Variants in ZPLD1 observed in about 807,000 individuals in gnomAD.
The protein encoded by ZPLD1 is zona pellucida like domain containing 1.
In ZPLD1, 34 loss-of-function variants were observed where a neutral mutation model predicts 47.2. The observed-to-expected ratio is 0.72, with a 90% CI of 0.55 to 0.96. The LOEUF (loss-of-function observed/expected upper bound fraction) is 0.96, where lower values mean the gene tolerates loss of function less well. Ranked by LOEUF, ZPLD1 falls within the 40% of genes least tolerant of loss-of-function variation. The probability of loss-of-function intolerance (pLI) is 0.00; values close to 1 mark genes in which losing one functional copy is unlikely to be tolerated. For synonymous variants in ZPLD1, 176 were observed against 186.2 expected (o/e 0.95, Z 0.45); for missense variants, 512 against 505.8 (o/e 1.01, Z -0.12).
At chr3:102,387,511 A>G (rs1378229861) in intron 6 of ZPLD1, among the ~76,000 whole-genome samples, 1 of 152,064 alleles carries the variant, frequency 6.6e-6, no homozygotes, top group African/African-American at 2.4e-5. Flanking sequence ...ACACTCAATC[A>G]TGGGCCCTTT....
chr3:102,455,945 A>G (rs571587834), intron 4 of ZPLD1, among the ~76,000 whole-genome samples: 1 of 152,266 alleles, frequency 6.6e-6, no homozygotes, highest in South Asian at 2.1e-4. Context: ...AACCCTTCGA[A>G]CCTATAATCT....
At chr3:102,429,649 G>A (rs1706992742) in intron 8 of ZPLD1, among the ~76,000 whole-genome samples, 1 of 152,134 alleles carries the variant, frequency 6.6e-6, no homozygotes, top group Non-Finnish European at 1.5e-5. Context: ...GATTGATAAT[G>A]CCATTGTGGT....
intron 8 of ZPLD1, among the ~76,000 whole-genome samples, chr3:102,429,002 T>A (rs964912142): frequency 2.0e-5 from 3 of 152,172 alleles, no homozygotes; most frequent in Admixed American, 6.5e-5. Context: ...GTGATACTTA[T>A]CCACTTGAAA....
chr3:102,444,265 A>G (rs998548997), intron 3 of ZPLD1, among the ~76,000 whole-genome samples: 12 of 152,218 alleles, frequency 7.9e-5, no homozygotes, highest in African/African-American at 2.7e-4. Flanking sequence ...CAGACTGCTT[A>G]TGAACTTCCT....
At chr3:102,451,389 T>C (rs1048793993) in intron 3 of ZPLD1, among the ~76,000 whole-genome samples, 23 of 152,216 alleles carry the variant, frequency 1.5e-4, no homozygotes, top group Non-Finnish European at 2.9e-5. Flanking sequence ...ACAATCAAGG[T>C]CATTTCCCCA....
At chr3:102,424,145 T>C (rs1359227840) in intron 8 of ZPLD1, among the ~76,000 whole-genome samples, 1 of 152,182 alleles carries the variant, frequency 6.6e-6, no homozygotes, top group African/African-American at 2.4e-5. Flanking sequence ...GCTCAGTCTT[T>C]GTTCCTTATG....
intron 3 of ZPLD1, among the ~76,000 whole-genome samples, chr3:102,445,101 G>T (rs924563545): frequency 8.5e-5 from 13 of 152,144 alleles, no homozygotes; most frequent in Non-Finnish European, 1.9e-4. Context: ...TGGTGTAGCT[G>T]CCTTTTGATG....
At chr3:102,438,923 C>T (rs968295343) in intron 3 of ZPLD1, among the ~76,000 whole-genome samples, 54 of 136,190 alleles carry the variant, frequency 4.0e-4, no homozygotes, top group Non-Finnish European at 5.9e-4. Context: ...AAGAACTGCT[C>T]TTAAATGCTA....
intron 7 of ZPLD1, among the ~76,000 whole-genome samples, chr3:102,416,769 G>A (rs1475289875): frequency 6.6e-6 from 1 of 150,466 alleles, no homozygotes; most frequent in African/African-American, 2.5e-5. Context: ...AAAAATCAGT[G>A]GACTCATGCA....
chr3:102,433,686 C>T (rs748988336), upstream of ZPLD1, among the ~76,000 whole-genome samples: 3 of 152,094 alleles, frequency 2.0e-5, no homozygotes, highest in African/African-American at 2.4e-5. Flanking sequence ...GCCACCACGC[C>T]CGGCTAATTT....
intron 5 of ZPLD1, among the ~76,000 whole-genome samples, chr3:102,457,221 T>G (rs187514319): frequency 1.2e-4 from 19 of 152,306 alleles, no homozygotes; most frequent in African/African-American, 3.6e-4. Flanking sequence ...GATAAGCACC[T>G]TGGTCAGAAG....
At chr3:102,461,441 G>A (rs1175241735) in intron 6 of ZPLD1, among the ~76,000 whole-genome samples, 1 of 151,846 alleles carries the variant, frequency 6.6e-6, no homozygotes, top group African/African-American at 2.4e-5. Context: ...ATACAAATAA[G>A]CTCTCTAGAA....
chr3:102,471,703 A>C (rs1208314242), intron 10 of ZPLD1, among the ~76,000 whole-genome samples: 1 of 152,210 alleles, frequency 6.6e-6, no homozygotes, highest in Non-Finnish European at 1.5e-5. Flanking sequence ...TTCTAGGTTT[A>C]GCTTTTGTTC....
chr3:102,433,490 A>C (rs562873372), upstream of ZPLD1, among the ~76,000 whole-genome samples: 1 of 152,318 alleles, frequency 6.6e-6, no homozygotes, highest in South Asian at 2.1e-4. Flanking sequence ...TAAAACTTAT[A>C]AGTATTACAT....
At chr3:102,422,520 T>C (rs1002042252) in intron 8 of ZPLD1, among the ~76,000 whole-genome samples, 5 of 152,032 alleles carry the variant, frequency 3.3e-5, no homozygotes, top group Admixed American at 6.6e-5. Context: ...GAATGATGCA[T>C]AGACTCTGAG....
Position 102,464,202 on chromosome 3 carries a change from A to G in ZPLD1, c.712A>G (p.Thr238Ala). Residue 238 changes from threonine to alanine, a missense_variant, in exon 8 of 12, where the codon ACC becomes GCC. Physicochemically the swap from Thr to Ala is moderately conservative, Grantham distance 58. Transcript: ENST00000466937. ...TGTTTTAATGGATTATTGCTATACT[A>G]CCCCATCAGGAAACCCAAATGATGA... ...WNVLMDYCYTTPSGNPNDDIR... is the reference protein window; with the variant it reads ...WNVLMDYCYTAPSGNPNDDIR... 1.2e-6 allele frequency: 2 copies of G among 1,613,016 alleles called. No homozygotes were observed. Among genetic ancestry groups the G allele is most frequent in the South Asian group, 2.2e-5 (2 of 91,038 alleles).
At position 102,387,143 on chromosome 3, in the gene ZPLD1, AG is replaced by A. The variant is rs1706433029; in HGVS notation, c.-213+1827del. ...CATTCTTTCCTGTAAATTAACTGTG[AG>A]CTGGGTCTCTTGACTCTTCACTTTA... is the stretch of plus-strand genomic sequence containing the variant. On this transcript the variant is annotated intron_variant, in intron 6 of 17. Transcript: ENST00000491959. 2.6e-5 allele frequency among the ~76,000 whole-genome samples: 4 copies of A among 152,226 alleles called. 1 individual carries two copies. The South Asian group carries it at 8.3e-4, about 32-fold the overall frequency.
intron 7 of ZPLD1, among the ~76,000 whole-genome samples, chr3:102,401,157 T>C (rs1248316720): frequency 6.6e-6 from 1 of 152,064 alleles, no homozygotes. Context: ...ATTATATCGT[T>C]AGTCATATGA....
intron 8 of ZPLD1, among the ~76,000 whole-genome samples, chr3:102,465,784 G>A (rs1324451138): frequency 6.6e-6 from 1 of 152,100 alleles, no homozygotes; most frequent in Non-Finnish European, 1.5e-5. Context: ...AGGAGGAAAA[G>A]AAAACCTAGA....
Sources: allele counts gnomAD v4.1 joint callset (sites outside exome capture counted in the v4.1 genomes callset), GRCh38; gene constraint gnomAD v4.1.1; transcripts MANE v1.5; gene names NCBI Gene and HGNC (gene_info 2026-07-23, HGNC 2026-07-21).